NUMB: variants seen among roughly 807,000 people sequenced by gnomAD.
NUMB encodes NUMB endocytic adaptor protein.
Under a neutral mutation model 59.7 loss-of-function variants are expected in NUMB, and 29 were observed. The observed-to-expected ratio is 0.49, with a 90% CI of 0.36 to 0.66. The LOEUF (loss-of-function observed/expected upper bound fraction) is 0.66, where lower values mean the gene tolerates loss of function less well. NUMB is among the 30% of genes least tolerant of loss of function. The pLI, the probability that NUMB is intolerant of heterozygous loss-of-function variation, is 0.00. For synonymous variants in NUMB, 288 were observed against 288.2 expected (o/e 1.00, Z 0.01); for missense variants, 723 against 822.0 (o/e 0.88, Z 1.47).
chr14:73,456,111 C>CT (rs11413301), intron 1 of NUMB, among the ~76,000 whole-genome samples: 15,019 of 142,910 alleles, frequency 0.11, 1,277 homozygotes, highest in African/African-American at 0.24. Context: ...CCAAAAAAAC[C>CT]TTTTTTTTTT....
At chr14:73,307,091 C>T (rs574611339) in intron 6 of NUMB, among the ~76,000 whole-genome samples, 24 of 152,110 alleles carry the variant, frequency 1.6e-4, no homozygotes, top group Non-Finnish European at 2.6e-4. Context: ...GGGTGGATCA[C>T]GAGGTCAGGT....
chr14:73,302,783 T>C (rs919886037), intron 6 of NUMB, among the ~76,000 whole-genome samples: 19 of 152,112 alleles, frequency 1.2e-4, no homozygotes, highest in Non-Finnish European at 1.2e-4. Context: ...TGAGCACTTT[T>C]AAGAAAAGAA....
In NUMB at chr14:73,327,348, C is replaced by T. The variant is rs1347195007; in HGVS notation, c.127-4144G>A. Among the ~76,000 whole-genome samples the T allele has an allele frequency of 2.0e-5, 3 of 152,294 alleles. No individual in the cohort carries two copies. In the East Asian group the frequency reaches 5.8e-4, roughly 29 times the overall value. On this transcript the variant is annotated intron_variant, in intron 4 of 12. Transcript: ENST00000555238. ...CTCAGCTCACTGCAATCTCTGCCTC[C>T]CGGGTTCAAGCGATTCTCCTGCCTC...
intron 1 of NUMB, among the ~76,000 whole-genome samples, chr14:73,448,473 G>A (rs985092319): frequency 6.6e-6 from 1 of 152,226 alleles, no homozygotes; most frequent in African/African-American, 2.4e-5. Context: ...TTAAAGGCAT[G>A]AGCCACCACA....
chr14:73,427,070 T>G (rs1027758679), intron 1 of NUMB, among the ~76,000 whole-genome samples: 1 of 151,870 alleles, frequency 6.6e-6, no homozygotes, highest in Non-Finnish European at 1.5e-5. Context: ...AGAGCTAGGG[T>G]GGGGGTAGAG....
At chr14:73,421,791 C>T (rs1044581760) in intron 1 of NUMB, among the ~76,000 whole-genome samples, 2 of 152,096 alleles carry the variant, frequency 1.3e-5, no homozygotes, top group Non-Finnish European at 2.9e-5. Flanking sequence ...TCTATTAAAA[C>T]TATGTTTAAA....
At chr14:73,439,477 T>C (rs1882863717) in intron 1 of NUMB, among the ~76,000 whole-genome samples, 1 of 152,276 alleles carries the variant, frequency 6.6e-6, no homozygotes, top group Non-Finnish European at 1.5e-5. Flanking sequence ...TTTTGTTATT[T>C]TGAAAATTAA....
chr14:73,331,157 T>C (rs1450982144), intron 4 of NUMB, among the ~76,000 whole-genome samples: 2 of 152,232 alleles, frequency 1.3e-5, no homozygotes, highest in Non-Finnish European at 2.9e-5. Flanking sequence ...CTGCTAATCA[T>C]TCCTACATAA....
At chr14:73,297,889 T>C (rs1313126994) in intron 6 of NUMB, 2 of 151,460 alleles carry the variant, frequency 1.3e-5, no homozygotes, top group Non-Finnish European at 2.9e-5. Context: ...TTTTTCCTAA[T>C]AATTTTTTTT....
chr14:73,398,415 AGTGTGTGTGTGTGTGTGT>A (rs57407662), intron 2 of NUMB, among the ~76,000 whole-genome samples: 4 of 118,804 alleles, frequency 3.4e-5, no homozygotes, highest in African/African-American at 1.0e-4. Context: ...AGAGAGAGAG[AGTGTGTGTGTGTGTGTGT>A]GTGTGTGTGT....
chr14:73,322,200 A>G (rs1891441920), intron 5 of NUMB, among the ~76,000 whole-genome samples: 1 of 152,218 alleles, frequency 6.6e-6, no homozygotes, highest in African/African-American at 2.4e-5. Context: ...AAAGTGGGGA[A>G]AGGCCACATA....
chr14:73,445,381 A>AAAAAAAAAAAAAAAAAAAAAAAAAAAAAC (rs1206147366), intron 1 of NUMB, among the ~76,000 whole-genome samples: 1 of 129,790 alleles, frequency 7.7e-6, no homozygotes, highest in Non-Finnish European at 1.7e-5. Context: ...AAAAAAAAAA[A>AAAAAAAAAAAAAAAAAAAAAAAAAAAAAC]AAAAAAAAAA....
intron 1 of NUMB, among the ~76,000 whole-genome samples, chr14:73,452,971 AGGAAAACT>A (rs1884089905): frequency 1.3e-5 from 2 of 152,224 alleles, no homozygotes; most frequent in Admixed American, 1.3e-4. Flanking sequence ...ATGTCACTCC[AGGAAAACT>A]GCCAAGAACC....
chr14:73,331,760 T>A (rs1594914285), intron 4 of NUMB, among the ~76,000 whole-genome samples: 2 of 152,264 alleles, frequency 1.3e-5, no homozygotes, highest in East Asian at 3.9e-4. Context: ...GTCTAGCATT[T>A]CCCTTGCTGG....
chr14:73,355,780 A>G lies in NUMB; in HGVS notation c.-15-14T>C, dbSNP rs754884922. 4 of 1,556,080 alleles carry G rather than the reference A, an allele frequency of 2.6e-6. No individual in the cohort carries two copies. The South Asian group carries it at 3.5e-5, about 14-fold the overall frequency. ...AATTTTTACAGCCTGAAGACAGAGG[A>G]AAAAAAATATTTAAAAGAAATATTA... On this transcript the variant is annotated splice_polypyrimidine_tract_variant and intron_variant, in intron 3 of 12. Coordinates refer to ENST00000555238, the MANE Select transcript of NUMB (RefSeq NM_001005743.2).
At chr14:73,437,453 T>C (rs767052775) in intron 1 of NUMB, among the ~76,000 whole-genome samples, 7 of 152,158 alleles carry the variant, frequency 4.6e-5, no homozygotes, top group Non-Finnish European at 8.8e-5. Flanking sequence ...AACAATGCCA[T>C]AGGGAGATAC....
intron 9 of NUMB, chr14:73,286,708 G>A (rs1037222210): frequency 1.1e-4 from 27 of 235,580 alleles, no homozygotes; most frequent in South Asian, 5.5e-4. Flanking sequence ...CTCTCTGCTA[G>A]CATCATAGTC....
chr14:73,352,422 T>A (rs56970276), intron 4 of NUMB, among the ~76,000 whole-genome samples: 11,843 of 86,316 alleles, frequency 0.14, 1,868 homozygotes, highest in East Asian at 0.63. Context: ...TGGGTTGTAA[T>A]AATATATATA....
chr14:73,293,127 C>A (rs1048054161), intron 7 of NUMB, among the ~76,000 whole-genome samples: 7 of 152,128 alleles, frequency 4.6e-5, no homozygotes, highest in African/African-American at 1.7e-4. Flanking sequence ...TTTTACATCT[C>A]TTTCATGGTA....
Sources: allele counts gnomAD v4.1 joint callset (sites outside exome capture counted in the v4.1 genomes callset), GRCh38; gene constraint gnomAD v4.1.1; transcripts MANE v1.5; gene names NCBI Gene and HGNC (gene_info 2026-07-23, HGNC 2026-07-21).